SPTAN1: variants seen among roughly 807,000 people sequenced by gnomAD.
SPTAN1 encodes spectrin alpha chain, non-erythrocytic 1.
SPTAN1 carries 61 observed loss-of-function variants against 331.3 expected under a neutral mutation model. That is an observed-to-expected ratio of 0.18 (90% CI 0.15 to 0.23). The LOEUF is 0.23. Ranked by LOEUF, SPTAN1 falls within the 10% of genes least tolerant of loss-of-function variation. SPTAN1 has a pLI of 1.00. For synonymous variants in SPTAN1, 1,153 were observed against 1,173.9 expected (o/e 0.98, Z 0.36); for missense variants, 2,043 against 3,147.9 (o/e 0.65, Z 8.40).
intron 1 of SPTAN1, among the ~76,000 whole-genome samples, chr9:128,554,523 G>A (rs1226694268): frequency 2.6e-5 from 4 of 152,048 alleles, no homozygotes; most frequent in African/African-American, 9.7e-5. Context: ...TGCAGATCCT[G>A]AAAAGTGGAT....
intron 31 of SPTAN1, among the ~76,000 whole-genome samples, chr9:128,606,873 T>C (rs1442316615): frequency 6.6e-6 from 1 of 152,204 alleles, no homozygotes; most frequent in African/African-American, 2.4e-5. Context: ...TTTAATGTAT[T>C]CACGGTGTTG....
At position 128,625,750 on chromosome 9, in the gene SPTAN1, C is replaced by T; in HGVS notation, c.6070-19C>T. ...GTCCTGTGGAGTCACCACAAATTGG[C>T]TTGTCACTCCTTGTTCAGGAAACTT... is the stretch of plus-strand genomic sequence containing the variant. On this transcript the variant is annotated intron_variant, in intron 47 of 56. Coordinates refer to ENST00000372739, the MANE Select transcript of SPTAN1 (RefSeq NM_001130438.3). This position sits in a 1 kb window ranked among gnomAD's most constrained non-coding sequence, Gnocchi z 4.1. 1 of 1,612,954 alleles carries T rather than the reference C, an allele frequency of 6.2e-7. No individual in the cohort carries two copies.
intron 26 of SPTAN1, 38 bp downstream of exon 26, chr9:128,599,024 G>A (rs1310319076): frequency 6.2e-7 from 1 of 1,605,362 alleles, no homozygotes; most frequent in Non-Finnish European, 8.5e-7. Context: ...TTGAACATGA[G>A]AAGGACTTAA....
At chr9:128,618,837 T>G (rs1299753453) in intron 43 of SPTAN1, 34 bp from the exon 44 acceptor site, 3 of 1,613,956 alleles carry the variant, frequency 1.9e-6, no homozygotes, top group Admixed American at 1.7e-5. Flanking sequence ...TGGAGGAGAT[T>G]ATGGCTGATT....
At chr9:128,619,186 G>C (rs1444868901) in intron 44 of SPTAN1, among the ~76,000 whole-genome samples, 183 bp downstream of exon 44, 1 of 152,190 alleles carries the variant, frequency 6.6e-6, no homozygotes, top group East Asian at 1.9e-4. Flanking sequence ...TCACCCTTCA[G>C]TAAACAAAAT....
intron 3 of SPTAN1, among the ~76,000 whole-genome samples, chr9:128,574,424 A>G (rs1209987659): frequency 6.6e-6 from 1 of 151,648 alleles, no homozygotes; most frequent in Non-Finnish European, 1.5e-5. Flanking sequence ...ACTAGAGTAA[A>G]TCTACCTGTG....
rs1022905289 is a variant in SPTAN1, at chr9:128,600,624, G to A, written c.3579+509G>A. ...TGTGAATATGGCTTAACCAGAATGG[G>A]CCATCCCTGACCAAGAATACAGGGA... On this transcript the variant is annotated intron_variant, in intron 27 of 56. Transcript: ENST00000372739. Among the ~76,000 whole-genome samples, 7 of 152,316 alleles carry A rather than the reference G, an allele frequency of 4.6e-5. 1 individual carries two copies. The East Asian group carries it at 1.3e-3, about 29-fold the overall frequency.
intron 1 of SPTAN1, among the ~76,000 whole-genome samples, chr9:128,564,216 C>T (rs1358969692): frequency 1.3e-5 from 2 of 151,978 alleles, no homozygotes; most frequent in East Asian, 1.9e-4. Flanking sequence ...GTCAGGAGTT[C>T]GAGACCAGCC....
At position 128,579,675 on chromosome 9, in the gene SPTAN1, A is replaced by G. The variant is rs1444045761; in HGVS notation, c.1260A>G (p.Ala420=). 3 of 1,614,060 alleles carry G rather than the reference A, an allele frequency of 1.9e-6. No homozygotes were observed. Among genetic ancestry groups the G allele is most frequent in the African/African-American group, 2.7e-5 (2 of 74,932 alleles). The change falls in exon 10 of 57, where the codon GCA becomes GCG. Residue 420 remains alanine (A), a synonymous_variant. Coordinates refer to ENST00000372739, the MANE Select transcript of SPTAN1 (RefSeq NM_001130438.3). ...IDAHEDSFKS[A]DESGQALLAA... is the part of the protein sequence containing the mutation. ...CCCATGAAGACAGCTTCAAATCTGC[A>G]GATGAATCTGGACAGGCACTGCTTG...
Position 128,632,686 on chromosome 9 carries a change from C to T in SPTAN1, c.7128C>T (p.Phe2376=), listed in dbSNP as rs369792563. The T allele has an allele frequency of 1.1e-4, 184 of 1,613,836 alleles. No homozygotes were observed. Among genetic ancestry groups the T allele is most frequent in the Non-Finnish European group, 1.5e-4 (172 of 1,180,032 alleles). The change falls in exon 55 of 57, where the codon TTC becomes TTT. Residue 2376 remains phenylalanine, a synonymous_variant. Transcript: ENST00000372739. ...AGGAAGGGGAACCTGACCCTGAGTT[C>T]GAGGCAATCCTGGACACGGTGGATC... ...MVEEGEPDPE[F]EAILDTVDPN...
chr9:128,568,741 G>A (rs776859484), intron 2 of SPTAN1, 31 bp from the exon 3 acceptor site: 15 of 1,613,206 alleles, frequency 9.3e-6, no homozygotes, highest in Middle Eastern at 1.7e-4. Flanking sequence ...GTGTGGTTGC[G>A]TCTGAGGCTC....
chr9:128,625,558 C>G lies in SPTAN1; in HGVS notation c.6070-211C>G, dbSNP rs1403882299. ...ATCCCTGGGGCGGGAGAGCGGAAGG[C>G]TGGGGTCAGGGAGGTGGGAGGAGGC... On this transcript the variant is annotated intron_variant, in intron 47 of 56. Coordinates refer to ENST00000372739, the MANE Select transcript of SPTAN1 (RefSeq NM_001130438.3). The surrounding 1 kb of genome is among the most constrained non-coding windows in gnomAD (Gnocchi z 4.1). 6.6e-6 allele frequency among the ~76,000 whole-genome samples: 1 copy of G among 152,088 alleles called. No individual in the cohort carries two copies.
intron 52 of SPTAN1, chr9:128,631,783 G>A: frequency 3.2e-6 from 1 of 312,238 alleles, no homozygotes; most frequent in Non-Finnish European, 6.1e-6. Flanking sequence ...TTGCGCCACT[G>A]CACTCTAGCC....
At chr9:128,583,993 T>C (rs770228127) in intron 16 of SPTAN1, 24 bp downstream of exon 16, 2 of 1,614,036 alleles carry the variant, frequency 1.2e-6, no homozygotes, top group South Asian at 1.1e-5. Flanking sequence ...GGGGCTGTGG[T>C]TGGGCAAGTG....
chr9:128,599,883 T>C (rs893393919), intron 26 of SPTAN1, 197 bp from the exon 27 acceptor site: 1 of 625,112 alleles, frequency 1.6e-6, no homozygotes, highest in Admixed American at 2.9e-5. Context: ...TTCTCTCCCC[T>C]GTTTGTTGGC....
At chr9:128,614,834 G>A (rs1243157103) in intron 40 of SPTAN1, among the ~76,000 whole-genome samples, 1 of 152,084 alleles carries the variant, frequency 6.6e-6, no homozygotes, top group Non-Finnish European at 1.5e-5. Context: ...TTTTTATACT[G>A]GATTATATTA....
intron 44 of SPTAN1, among the ~76,000 whole-genome samples, chr9:128,620,731 A>G (rs1192128480): frequency 6.6e-6 from 1 of 152,204 alleles, no homozygotes; most frequent in Non-Finnish European, 1.5e-5. Flanking sequence ...AAAGAAAAAA[A>G]AAAGACATGA....
At chr9:128,611,593 G>A in intron 37 of SPTAN1, 121 bp from the exon 38 acceptor site, 5 of 1,132,550 alleles carry the variant, frequency 4.4e-6, no homozygotes, top group South Asian at 1.3e-5. Flanking sequence ...TGTTAAAAAC[G>A]TTGGCATTTA....
chr9:128,609,372 C>T (rs1275848434), intron 36 of SPTAN1, 88 bp downstream of exon 36: 1 of 1,579,088 alleles, frequency 6.3e-7, no homozygotes, highest in African/African-American at 1.3e-5. Flanking sequence ...AAAACAATCT[C>T]CTTGCACCCA....
Sources: gnomAD v4.1 joint callset for allele counts (sites outside exome capture counted in the v4.1 genomes callset) on GRCh38, gnomAD v4.1.1 for gene constraint, Gnocchi (gnomAD v3.1) non-coding constraint, MANE v1.5 for transcripts, NCBI Gene and HGNC (gene_info 2026-07-23, HGNC 2026-07-21) for gene names.